Variants in KLHL8 observed in about 807,000 individuals in gnomAD.
KLHL8 encodes the protein kelch-like protein 8.
A neutral mutation model predicts 63.5 loss-of-function variants in KLHL8; 38 were observed. That is an observed-to-expected ratio of 0.60 (90% CI 0.46 to 0.78). The LOEUF (loss-of-function observed/expected upper bound fraction) is 0.78, where lower values mean the gene tolerates loss of function less well. KLHL8 is among the 30% of genes least tolerant of loss of function. The pLI is 0.00. For missense variants in KLHL8, 566 were observed against 752.4 expected (o/e 0.75, Z 2.90); for synonymous variants, 224 against 254.3 (o/e 0.88, Z 1.13).
At position 87,163,355 on chromosome 4, in the gene KLHL8, C is replaced by T; in HGVS notation, c.*164G>A. On this transcript the variant is annotated 3_prime_UTR_variant, in exon 10 of 10. Transcript: ENST00000273963. ...AAATTTAACTCTATTACTAATAATT[C>T]TTCAGGTATCATTCCAAAAGTTGTA... The T allele has an allele frequency of 1.7e-6, 1 of 573,250 alleles. No individual in the cohort carries two copies. The highest frequency in any genetic ancestry group is 3.1e-5 in the East Asian group (1 of 32,448). The allele number at this position is 573,250 out of a possible 1,614,324, so 35.5% of individuals were successfully genotyped here.
intron 8 of KLHL8, among the ~76,000 whole-genome samples, chr4:87,165,711 A>G (rs1353333180): frequency 6.6e-6 from 1 of 152,042 alleles, no homozygotes; most frequent in East Asian, 1.9e-4. Flanking sequence ...TTTGATAGCT[A>G]TATTTTCCAT....
chr4:87,187,682 G>A (rs957757303), intron 2 of KLHL8, among the ~76,000 whole-genome samples: 6 of 151,776 alleles, frequency 4.0e-5, no homozygotes, highest in South Asian at 4.1e-4. Context: ...TTTACTTCAC[G>A]TATTTTTTAT....
At chr4:87,209,287 G>C (rs759768416) in intron 1 of KLHL8, among the ~76,000 whole-genome samples, 7 of 152,004 alleles carry the variant, frequency 4.6e-5, no homozygotes, top group Admixed American at 1.3e-4. Context: ...AAACAACAGA[G>C]AGGAAAAAAA....
chr4:87,221,598 T>C (rs1462621312), upstream of KLHL8, among the ~76,000 whole-genome samples: 1 of 151,974 alleles, frequency 6.6e-6, no homozygotes, highest in Non-Finnish European at 1.5e-5. Context: ...TAGGAGTCTA[T>C]TTCAGAATAA....
intron 6 of KLHL8, among the ~76,000 whole-genome samples, chr4:87,171,778 A>G (rs190531488): frequency 6.6e-6 from 1 of 152,300 alleles, no homozygotes; most frequent in East Asian, 1.9e-4. Context: ...TTTCAGCTTC[A>G]TCAGTGCCTT....
intron 8 of KLHL8, among the ~76,000 whole-genome samples, chr4:87,164,894 A>G (rs1317441146): frequency 6.6e-6 from 1 of 152,066 alleles, no homozygotes; most frequent in Non-Finnish European, 1.5e-5. Context: ...CACGCCTGTA[A>G]TCCCAGCACT....
rs181204830 is a variant in KLHL8 at position 87,216,247 on chromosome 4, T to C, written c.-152+4171A>G. Among the ~76,000 whole-genome samples the C allele has an allele frequency of 2.9e-3, 443 of 152,292 alleles. 2 individuals are homozygous for C. Among genetic ancestry groups the C allele is most frequent in the Non-Finnish European group, 2.4e-3 (160 of 68,018 alleles). On this transcript the variant is annotated intron_variant, in intron 1 of 9. Transcript: ENST00000273963. Reference sequence around the variant, plus strand: ...GTAGAAGTAGCAGCACTATTATTCATATGAAGGTAGTGTATCATAAATATC... The same window carrying C: ...GTAGAAGTAGCAGCACTATTATTCACATGAAGGTAGTGTATCATAAATATC...
chr4:87,222,525 C>T, upstream of KLHL8, among the ~76,000 whole-genome samples: 1 of 152,160 alleles, frequency 6.6e-6, no homozygotes, highest in East Asian at 1.9e-4. Context: ...AAAGGGAAAG[C>T]TTCCCTGTAT....
rs371352890 is a variant in KLHL8, at chr4:87,163,485, G to C, written c.*34C>G. 2 of 1,611,910 alleles carry C rather than the reference G, an allele frequency of 1.2e-6. No individual in the cohort carries two copies. Among genetic ancestry groups the C allele is most frequent in the Admixed American group, 3.3e-5 (2 of 59,814 alleles). ...TCTTGGTTTTCTTTTGTACCTATCAGATATGACTAAATTGTTGGTGGCCAG... is the reference window on the plus strand; with the variant it reads ...TCTTGGTTTTCTTTTGTACCTATCACATATGACTAAATTGTTGGTGGCCAG... On this transcript the variant is annotated 3_prime_UTR_variant, in exon 10 of 10. Coordinates refer to ENST00000273963, the MANE Select transcript of KLHL8 (RefSeq NM_020803.5).
intron 8 of KLHL8, chr4:87,167,637 C>A (rs1003182571): frequency 4.4e-6 from 2 of 455,410 alleles, no homozygotes; most frequent in South Asian, 1.7e-5. Flanking sequence ...TCATTCCTTC[C>A]CGTGTACAGA....
intron 2 of KLHL8, among the ~76,000 whole-genome samples, chr4:87,194,953 C>T (rs187303702): frequency 6.6e-6 from 1 of 152,312 alleles, no homozygotes; most frequent in African/African-American, 2.4e-5. Flanking sequence ...TTCTAACTTA[C>T]TTCTGTATTC....
At chr4:87,198,705 T>C (rs187072493) in intron 1 of KLHL8, among the ~76,000 whole-genome samples, 63 of 152,334 alleles carry the variant, frequency 4.1e-4, no homozygotes, top group African/African-American at 1.5e-3. Context: ...GCACAAGAGA[T>C]ACTTGTGATG....
At chr4:87,203,185 T>C (rs1731983771) in intron 1 of KLHL8, among the ~76,000 whole-genome samples, 1 of 152,164 alleles carries the variant, frequency 6.6e-6, no homozygotes, top group Non-Finnish European at 1.5e-5. Context: ...CATAATTGTC[T>C]ATGTAAACCA....
intron 2 of KLHL8, among the ~76,000 whole-genome samples, chr4:87,186,568 C>T (rs527251759): frequency 6.6e-6 from 1 of 151,876 alleles, no homozygotes; most frequent in Admixed American, 6.6e-5. Flanking sequence ...CAGCCTCAAC[C>T]TGCTGGGCTC....
At chr4:87,235,523 T>C (rs1203609393) in intron 1 of KLHL8, among the ~76,000 whole-genome samples, 1 of 152,190 alleles carries the variant, frequency 6.6e-6, no homozygotes, top group East Asian at 1.9e-4. Flanking sequence ...CACATGGCTG[T>C]ATTTGAGGTG....
intron 1 of KLHL8, among the ~76,000 whole-genome samples, chr4:87,233,872 A>T (rs564357857): frequency 2.0e-5 from 3 of 152,232 alleles, no homozygotes; most frequent in Admixed American, 6.5e-5. Context: ...ACAATATTTT[A>T]AAAAATACTA....
chr4:87,181,765 C>G (rs17755195), intron 4 of KLHL8, among the ~76,000 whole-genome samples: 1 of 152,034 alleles, frequency 6.6e-6, no homozygotes, highest in Non-Finnish European at 1.5e-5. Flanking sequence ...CTAAAACCTA[C>G]TACATAAAGT....
At chr4:87,222,582 T>C (rs1732897758), upstream of KLHL8, among the ~76,000 whole-genome samples, 1 of 152,128 alleles carries the variant, frequency 6.6e-6, no homozygotes, top group East Asian at 1.9e-4. Context: ...TTTATTTATT[T>C]ATTTTATTTT....
intron 1 of KLHL8, among the ~76,000 whole-genome samples, chr4:87,218,089 C>T (rs1041212572): frequency 5.3e-5 from 8 of 152,118 alleles, no homozygotes; most frequent in African/African-American, 1.9e-4. Context: ...TTGTAATATA[C>T]GTACCACTCT....
Sources: allele counts gnomAD v4.1 joint callset (sites outside exome capture counted in the v4.1 genomes callset), GRCh38; gene constraint gnomAD v4.1.1; transcripts MANE v1.5; gene names NCBI Gene and HGNC (gene_info 2026-07-23, HGNC 2026-07-21).